IL1A: variants seen among roughly 807,000 people sequenced by gnomAD.
The protein encoded by IL1A is interleukin 1 alpha, also known as interleukin-1 alpha.
In IL1A, 16 loss-of-function variants were observed where a neutral mutation model predicts 22.2. The ratio of observed to expected loss-of-function variants is 0.72; its 90% confidence interval spans 0.49 to 1.09. IL1A has a LOEUF of 1.09. Among genes scored for constraint, IL1A ranks in the 50% least tolerant of loss-of-function variants. IL1A has a pLI of 0.00. For synonymous variants in IL1A, 113 were observed against 118.5 expected (o/e 0.95, Z 0.30); for missense variants, 317 against 321.8 (o/e 0.99, Z 0.11).
intron 6 of IL1A, 76 bp from the exon 7 acceptor site, chr2:112,775,343 T>G: frequency 8.4e-7 from 1 of 1,185,208 alleles, no homozygotes; most frequent in Non-Finnish European, 1.3e-6. Flanking sequence ...CCTTAGCATT[T>G]GGCCTTCATG....
chr2:112,777,855 G>T, intron 6 of IL1A, 132 bp downstream of exon 6: 1 of 819,310 alleles, frequency 1.2e-6, no homozygotes, highest in East Asian at 2.6e-5. Flanking sequence ...ATGGGAGTGG[G>T]GTGGGCAGGT....
intron 6 of IL1A, among the ~76,000 whole-genome samples, chr2:112,775,861 T>C (rs1002178572): frequency 1.2e-4 from 18 of 152,208 alleles, no homozygotes; most frequent in African/African-American, 4.3e-4. Context: ...ATGAGTAGAA[T>C]TTAACAATAC....
chr2:112,781,920 A>C, intron 3 of IL1A, 94 bp from the exon 4 acceptor site: 1 of 828,686 alleles, frequency 1.2e-6, no homozygotes, highest in Non-Finnish European at 2.0e-6. Context: ...GGTAGTGAGG[A>C]GGATCTCCAT....
At position 112,775,040 on chromosome 2, in the gene IL1A, A is replaced by C; in HGVS notation, c.*27T>G. ...GGTACATATGAACTGTCAACACTGC[A>C]CAAGTGAGACAAGTGAGACTCCAGA... is the stretch of plus-strand genomic sequence containing the variant. On this transcript the variant is annotated 3_prime_UTR_variant, in exon 7 of 7. Transcript: ENST00000263339. 4.4e-6 allele frequency: 7 copies of C among 1,583,168 alleles called. No individual in the cohort carries two copies. Among genetic ancestry groups the C allele is most frequent in the Non-Finnish European group, 6.1e-6 (7 of 1,152,656 alleles).
intron 2 of IL1A, 60 bp from the exon 3 acceptor site, chr2:112,782,824 T>C: frequency 1.6e-6 from 2 of 1,212,764 alleles, no homozygotes; most frequent in Non-Finnish European, 2.5e-6. Context: ...CTCTGGCCAA[T>C]GTACTTTAAT....
chr2:112,775,468 T>A (rs1573250268), intron 6 of IL1A, among the ~76,000 whole-genome samples: 1 of 152,332 alleles, frequency 6.6e-6, no homozygotes, highest in East Asian at 1.9e-4. Context: ...AGTCTATTAA[T>A]AAGAGTTGAT....
chr2:112,777,666 T>TATTA (rs1434505394), intron 6 of IL1A, among the ~76,000 whole-genome samples: 5 of 152,212 alleles, frequency 3.3e-5, no homozygotes, highest in Non-Finnish European at 7.4e-5. Context: ...ATTGTCCTAA[T>TATTA]GTCTAGTATT....
At position 112,774,943 on chromosome 2, in the gene IL1A, T is replaced by C. The variant is rs575129347; in HGVS notation, c.*124A>G. 5 of 698,082 alleles carry C rather than the reference T, an allele frequency of 7.2e-6. No individual in the cohort carries two copies. Among genetic ancestry groups the C allele is most frequent in the African/African-American group, 7.1e-5 (4 of 56,044 alleles). The allele number at this position is 698,082 out of a possible 1,614,324, so 43.2% of individuals were successfully genotyped here. The stretch of plus-strand genomic sequence containing the variant: ...CTCTTACAAAGAGTGTAAACATTCA[T>C]TTAGAATTACAAGGCTCAGTACATG... On this transcript the variant is annotated 3_prime_UTR_variant, in exon 7 of 7. Coordinates refer to ENST00000263339, the MANE Select transcript of IL1A (RefSeq NM_000575.5).
chr2:112,778,206 G>A lies in IL1A; in HGVS notation c.491-95C>T, dbSNP rs1681134645. The A allele has an allele frequency of 5.9e-6, 5 of 851,934 alleles. No homozygotes were observed. In the African/African-American group the frequency reaches 8.6e-5, roughly 15 times the overall value. 52.8% of individuals were successfully genotyped at this position (851,934 alleles called of 1,614,324 possible). ...TTGTGTGTGCATGGTGTGTGTGTGT[G>A]TGTGTGTGTGTGTGTGTGTGTGTGT... is the stretch of plus-strand genomic sequence containing the variant. On this transcript the variant is annotated intron_variant, in intron 5 of 6. Coordinates refer to ENST00000263339, the MANE Select transcript of IL1A (RefSeq NM_000575.5).
chr2:112,780,066 G>T (rs1681170555), intron 4 of IL1A, among the ~76,000 whole-genome samples: 1 of 152,190 alleles, frequency 6.6e-6, no homozygotes, highest in Non-Finnish European at 1.5e-5. Context: ...AGAGTGCAAA[G>T]TGGCACATAT....
chr2:112,776,447 T>C (rs13000462), intron 6 of IL1A, among the ~76,000 whole-genome samples: 53,403 of 87,020 alleles, frequency 0.61, 16,977 homozygotes, highest in African/African-American at 0.72. Flanking sequence ...CCCACAACCA[T>C]GACCCGCCCC....
chr2:112,779,676 T>C lies in IL1A; in HGVS notation c.320-10A>G, dbSNP rs200281020. ...CTAGGCTTGATGATTTCTAAAACCATGATCACAAGTGCAGATTAATGTCTA... is the reference window on the plus strand; with the variant it reads ...CTAGGCTTGATGATTTCTAAAACCACGATCACAAGTGCAGATTAATGTCTA... On this transcript the variant is annotated splice_polypyrimidine_tract_variant and intron_variant, in intron 4 of 6. Transcript: ENST00000263339. 6.3e-6 allele frequency: 10 copies of C among 1,590,088 alleles called. No homozygotes were observed. The Admixed American group carries it at 1.3e-4, about 21-fold the overall frequency.
chr2:112,777,392 T>C (rs1188605753), intron 6 of IL1A, among the ~76,000 whole-genome samples: 1 of 152,222 alleles, frequency 6.6e-6, no homozygotes, highest in Non-Finnish European at 1.5e-5. Flanking sequence ...TCTTGGATTA[T>C]ATACTTACAA....
intron 5 of IL1A, among the ~76,000 whole-genome samples, chr2:112,778,325 T>G (rs1681137004): frequency 6.6e-6 from 1 of 152,056 alleles, no homozygotes; most frequent in Non-Finnish European, 1.5e-5. Context: ...CCACACTCAC[T>G]AGGCAGGTAA....
rs1280657781 is a variant in IL1A, at chr2:112,774,270, G to A, written c.*797C>T. 1 of 152,020 alleles carries A rather than the reference G, an allele frequency of 6.6e-6. No homozygotes were observed. Among genetic ancestry groups the A allele is most frequent in the Non-Finnish European group, 1.5e-5 (1 of 68,006 alleles). 9.4% of individuals were successfully genotyped at this position (152,020 alleles called of 1,614,324 possible). ...CAAGTACTAGAATGCAGAGTTTCCT[G>A]GCTATGGGATAAGCACAACTTGGAC... is the stretch of plus-strand genomic sequence containing the variant. On this transcript the variant is annotated 3_prime_UTR_variant, in exon 7 of 7. Transcript: ENST00000263339.
At chr2:112,781,333 T>C (rs981946647) in intron 4 of IL1A, among the ~76,000 whole-genome samples, 1 of 152,166 alleles carries the variant, frequency 6.6e-6, no homozygotes, top group Non-Finnish European at 1.5e-5. Flanking sequence ...AGTGGTCTTA[T>C]TACTGCTTTC....
chr2:112,775,890 T>C (rs1681094388), intron 6 of IL1A, among the ~76,000 whole-genome samples: 1 of 152,174 alleles, frequency 6.6e-6, no homozygotes, highest in Non-Finnish European at 1.5e-5. Context: ...AAAAATAGAT[T>C]TCAAATTCCA....
chr2:112,776,453 G>A (rs1471101398), intron 6 of IL1A, among the ~76,000 whole-genome samples: 1 of 129,050 alleles, frequency 7.7e-6, no homozygotes, highest in African/African-American at 2.9e-5. Context: ...ACCATGACCC[G>A]CCCCCTCCTC....
intron 2 of IL1A, 84 bp downstream of exon 2, chr2:112,783,640 A>G: frequency 8.7e-7 from 1 of 1,150,866 alleles, no homozygotes; most frequent in Admixed American, 1.7e-5. Flanking sequence ...GCCTGCCCCC[A>G]TGCTGGCCAC....
Sources: gnomAD v4.1 joint callset for allele counts (sites outside exome capture counted in the v4.1 genomes callset) on GRCh38, gnomAD v4.1.1 for gene constraint, MANE v1.5 for transcripts, NCBI Gene and HGNC (gene_info 2026-07-23, HGNC 2026-07-21) for gene names.